Variants in MAP4K3 observed in about 807,000 individuals in gnomAD.
The protein encoded by MAP4K3 is MAPK/ERK kinase kinase kinase 3.
A neutral mutation model predicts 143.5 loss-of-function variants in MAP4K3; 94 were observed. The ratio of observed to expected loss-of-function variants is 0.65; its 90% confidence interval spans 0.55 to 0.78. The LOEUF (loss-of-function observed/expected upper bound fraction) is 0.78. MAP4K3 is among the 30% of genes least tolerant of loss of function. The pLI, the probability that MAP4K3 is intolerant of heterozygous loss-of-function variation, is 0.00. For missense variants in MAP4K3, 1,077 were observed against 1,068.1 expected, an observed-to-expected ratio of 1.01 and a Z score of -0.12; for synonymous variants, 416 against 347.2, an observed-to-expected ratio of 1.20 and a Z score of -2.20.
Position 39,422,442 on chromosome 2 carries a change from A to T in MAP4K3, c.96+14450T>A, listed in dbSNP as rs116165494. 2.5e-3 allele frequency among the ~76,000 whole-genome samples: 388 copies of T among 152,306 alleles called. 3 individuals are homozygous for T. Among genetic ancestry groups the T allele is most frequent in the African/African-American group, 9.0e-3 (372 of 41,562 alleles). On this transcript the variant is annotated intron_variant, in intron 1 of 33. Coordinates refer to ENST00000263881, the MANE Select transcript of MAP4K3 (RefSeq NM_003618.4). ...CACCAGGAGAAAACAGCCAACTATA[A>T]GCCAAAGAGTGAGGCCTCAGAAGAA...
intron 3 of MAP4K3, among the ~76,000 whole-genome samples, chr2:39,344,906 AT>A (rs752575876): frequency 3.3e-5 from 5 of 152,218 alleles, no homozygotes; most frequent in Admixed American, 6.5e-5. Flanking sequence ...GTAGCAGGAA[AT>A]AAACCCAGAA....
rs140821544 is a variant in MAP4K3, at chr2:39,315,487, T to A, written c.919-99A>T. On this transcript the variant is annotated intron_variant, in intron 12 of 33. Coordinates refer to ENST00000263881, the MANE Select transcript of MAP4K3 (RefSeq NM_003618.4). ...ATAGGAAAAAATACTTCATTTTAAG[T>A]AAAAATGAAAGCAAAACAGCACTTT... The A allele has an allele frequency of 6.7e-4, 555 of 831,042 alleles. No individual in the cohort carries two copies. The African/African-American group carries it at 9.2e-3, about 14-fold the overall frequency. The allele number at this position is 831,042 out of a possible 1,614,324, so 51.5% of individuals were successfully genotyped here.
chr2:39,316,291 TAAGAAA>T (rs1683110769), intron 12 of MAP4K3, among the ~76,000 whole-genome samples: 1 of 151,954 alleles, frequency 6.6e-6, no homozygotes, highest in African/African-American at 2.4e-5. Flanking sequence ...GGCTCCAACA[TAAGAAA>T]AAGAAAAAGC....
At chr2:39,340,328 G>A (rs1665104154) in intron 4 of MAP4K3, among the ~76,000 whole-genome samples, 1 of 152,170 alleles carries the variant, frequency 6.6e-6, no homozygotes, top group Non-Finnish European at 1.5e-5. Context: ...AGGTTATTTG[G>A]TGAAAACATG....
Position 39,437,031 on chromosome 2 carries a change from G to C in MAP4K3, c.-44C>G, listed in dbSNP as rs1408925258. 1.3e-6 allele frequency: 2 copies of C among 1,532,162 alleles called. No individual in the cohort carries two copies. Among genetic ancestry groups the C allele is most frequent in the Non-Finnish European group, 8.9e-7 (1 of 1,118,010 alleles). The allele number at this position is 1,532,162 out of a possible 1,614,324, so 94.9% of individuals were successfully genotyped here. A position where few individuals can be genotyped will look rare whatever the true frequency, so the allele number is the denominator to read the frequency against. On this transcript the variant is annotated 5_prime_UTR_variant, in exon 1 of 34. Coordinates refer to ENST00000263881, the MANE Select transcript of MAP4K3 (RefSeq NM_003618.4). ...CCCGCCTCCCTCCCGGGCAGGGGAG[G>C]GGGGCCGCTCAGGGGGCCACACGGA...
chr2:39,382,352 C>A (rs1477383492), intron 1 of MAP4K3, among the ~76,000 whole-genome samples: 4 of 152,170 alleles, frequency 2.6e-5, no homozygotes, highest in African/African-American at 9.7e-5. Context: ...TTGGAGTACT[C>A]AAACCTTACT....
At chr2:39,404,277 G>A (rs1434585195) in intron 1 of MAP4K3, among the ~76,000 whole-genome samples, 1 of 152,064 alleles carries the variant, frequency 6.6e-6, no homozygotes, top group Non-Finnish European at 1.5e-5. Flanking sequence ...GTGGACTCTT[G>A]GAGTCCCTGA....
At position 39,378,108 on chromosome 2, in the gene MAP4K3, T is replaced by C. The variant is rs1397659681; in HGVS notation, c.112A>G (p.Thr38Ala). Residue 38 changes from threonine (T) to alanine (A), a missense_variant, in exon 2 of 34, where the codon ACT becomes GCT. By Grantham distance (58) the Thr-to-Ala change is moderately conservative. Coordinates refer to ENST00000263881, the MANE Select transcript of MAP4K3 (RefSeq NM_003618.4). ...ACTTTAATTGCTGCTAATTCACCAG[T>C]GTTAACATTCCGTGCCTAAAAGAAA... ...GDVYKARNVNTGELAAIKVIK... is the reference protein window; with the variant it reads ...GDVYKARNVNAGELAAIKVIK... 1.3e-6 allele frequency: 2 copies of C among 1,588,812 alleles called. No individual in the cohort carries two copies. The highest frequency in any genetic ancestry group is 1.1e-5 in the South Asian group (1 of 87,092).
chr2:39,302,125 T>C (rs1052041676), intron 15 of MAP4K3, among the ~76,000 whole-genome samples: 1 of 151,944 alleles, frequency 6.6e-6, no homozygotes, highest in African/African-American at 2.4e-5. Context: ...ACTAAAGTAA[T>C]ATATTAATAG....
chr2:39,415,749 C>T (rs1374487578), intron 1 of MAP4K3, among the ~76,000 whole-genome samples: 2 of 150,654 alleles, frequency 1.3e-5, no homozygotes, highest in African/African-American at 2.4e-5. Flanking sequence ...GTCAGGAGTT[C>T]GAGACCAGCC....
intron 1 of MAP4K3, among the ~76,000 whole-genome samples, chr2:39,398,174 C>T (rs561725201): frequency 1.3e-5 from 2 of 152,074 alleles, no homozygotes; most frequent in Non-Finnish European, 1.5e-5. Flanking sequence ...AAGAAATACA[C>T]ATGTACAAGC....
chr2:39,418,288 C>T (rs1002253339), intron 1 of MAP4K3, among the ~76,000 whole-genome samples: 1 of 151,138 alleles, frequency 6.6e-6, no homozygotes, highest in Non-Finnish European at 1.5e-5. Context: ...TAAGTTGGAG[C>T]AATCTGGGCA....
intron 24 of MAP4K3, among the ~76,000 whole-genome samples, chr2:39,278,073 G>A (rs1681346901): frequency 6.6e-6 from 1 of 151,530 alleles, no homozygotes; most frequent in Admixed American, 6.6e-5. Context: ...CCTGAGGTCA[G>A]GAGTTCAAGA....
At chr2:39,295,573 G>GA (rs1166161468) in intron 16 of MAP4K3, among the ~76,000 whole-genome samples, 2 of 151,904 alleles carry the variant, frequency 1.3e-5, no homozygotes, top group East Asian at 3.9e-4. Context: ...TTTTAGATGT[G>GA]AAAAAATACT....
chr2:39,311,512 T>C (rs1350318796), intron 13 of MAP4K3, among the ~76,000 whole-genome samples: 1 of 152,230 alleles, frequency 6.6e-6, no homozygotes, highest in African/African-American at 2.4e-5. Context: ...TGGATCAGCG[T>C]TGGCTGATGT....
At position 39,338,848 on chromosome 2, in the gene MAP4K3, T is replaced by C. The variant is rs368017315; in HGVS notation, c.311-1267A>G. Among the ~76,000 whole-genome samples, 22 of 152,328 alleles carry C rather than the reference T, an allele frequency of 1.4e-4. No individual in the cohort carries two copies. In the East Asian group the frequency reaches 3.9e-3, roughly 27 times the overall value. On this transcript the variant is annotated intron_variant, in intron 4 of 33. Transcript: ENST00000263881. ...GAGGACACAGTGTGTGTGCACTCTA[T>C]GAGAAATGGGTCCTTGCCAGACACC...
chr2:39,285,730 G>A (rs1387436731), intron 21 of MAP4K3, among the ~76,000 whole-genome samples: 2 of 152,004 alleles, frequency 1.3e-5, no homozygotes, highest in Non-Finnish European at 2.9e-5. Flanking sequence ...GAATATACTA[G>A]AAATTTCTAT....
intron 2 of MAP4K3, among the ~76,000 whole-genome samples, chr2:39,364,426 A>C (rs1337835706): frequency 1.3e-5 from 2 of 152,264 alleles, no homozygotes; most frequent in Admixed American, 1.3e-4. Context: ...TGATAAAAAG[A>C]GACAAACTCT....
chr2:39,399,555 A>G (rs1420004930), intron 1 of MAP4K3, among the ~76,000 whole-genome samples: 1 of 152,208 alleles, frequency 6.6e-6, no homozygotes, highest in Non-Finnish European at 1.5e-5. Context: ...TACATGTAGC[A>G]CCTCAGTCAC....
Sources: allele counts gnomAD v4.1 joint callset (sites outside exome capture counted in the v4.1 genomes callset), GRCh38; gene constraint gnomAD v4.1.1; transcripts MANE v1.5; gene names NCBI Gene and HGNC (gene_info 2026-07-23, HGNC 2026-07-21).